The following VEGFC variants were observed in gnomAD, a reference collection of about 807,000 sequenced individuals.
VEGFC encodes FLT4 ligand DHM.
In VEGFC, 12 loss-of-function variants were observed where a neutral mutation model predicts 46.1. The observed-to-expected ratio is 0.26, with a 90% CI of 0.17 to 0.42. The LOEUF is 0.42. VEGFC is among the 10% of genes least tolerant of loss of function. The pLI is 1.00. For synonymous variants in VEGFC, 232 were observed against 195.5 expected, an observed-to-expected ratio of 1.19 and a Z score of -1.56; for missense variants, 488 against 529.4, an observed-to-expected ratio of 0.92 and a Z score of 0.77.
intron 4 of VEGFC, among the ~76,000 whole-genome samples, chr4:176,688,354 C>A (rs1017111059): frequency 6.6e-6 from 1 of 151,918 alleles, no homozygotes; most frequent in East Asian, 1.9e-4. Flanking sequence ...AAAGATGTAC[C>A]ATTATTTATT....
Position 176,792,660 on chromosome 4 carries a change from G to T in VEGFC, c.-349C>A. 1 of 195,686 alleles carries T rather than the reference G, an allele frequency of 5.1e-6. No homozygotes were observed. Among genetic ancestry groups the T allele is most frequent in the Non-Finnish European group, 1.0e-5 (1 of 97,466 alleles). The allele number at this position is 195,686 out of a possible 1,614,324, so 12.1% of individuals were successfully genotyped here. A position where few individuals can be genotyped will look rare whatever the true frequency, so the allele number is the denominator to read the frequency against. ...GTGTAGCTTTTTGGAGAGGCGGGGC[G>T]GGGGACACCAGAACACCCCGCGATG... On this transcript the variant is annotated 5_prime_UTR_variant, in exon 1 of 7. Transcript: ENST00000618562. The surrounding 1 kb of genome is among the most constrained non-coding windows in gnomAD (Gnocchi z 6.3).
At chr4:176,748,508 T>C (rs1004695364) in intron 1 of VEGFC, among the ~76,000 whole-genome samples, 1 of 151,324 alleles carries the variant, frequency 6.6e-6, no homozygotes, top group Non-Finnish European at 1.5e-5. Flanking sequence ...AGCATAAATA[T>C]AGAAACGAAG....
intron 1 of VEGFC, among the ~76,000 whole-genome samples, chr4:176,767,618 T>C (rs1735649806): frequency 6.6e-6 from 1 of 152,228 alleles, no homozygotes; most frequent in Non-Finnish European, 1.5e-5. Context: ...TCCTTGACAC[T>C]GTCCACACCT....
At chr4:176,762,013 AG>A (rs1735539246) in intron 1 of VEGFC, among the ~76,000 whole-genome samples, 1 of 152,214 alleles carries the variant, frequency 6.6e-6, no homozygotes, top group Admixed American at 6.5e-5. Flanking sequence ...AGCGAAGCTC[AG>A]GGAAGAGGTG....
chr4:176,767,512 C>G (rs955979035), intron 1 of VEGFC, among the ~76,000 whole-genome samples: 7 of 152,188 alleles, frequency 4.6e-5, no homozygotes, highest in Admixed American at 3.3e-4. Flanking sequence ...GCTGATAGCA[C>G]TATTCGCTCA....
intron 4 of VEGFC, among the ~76,000 whole-genome samples, chr4:176,690,948 G>C (rs965671934): frequency 2.9e-4 from 44 of 152,060 alleles, no homozygotes; most frequent in Non-Finnish European, 1.0e-4. Flanking sequence ...ACCCATTAAT[G>C]AATCATGAAA....
intron 1 of VEGFC, among the ~76,000 whole-genome samples, chr4:176,769,780 T>C (rs570700995): frequency 7.2e-5 from 11 of 152,274 alleles, no homozygotes; most frequent in Admixed American, 5.9e-4. Context: ...TCAGAAAGCC[T>C]GACTCACAGA....
intron 1 of VEGFC, among the ~76,000 whole-genome samples, chr4:176,782,152 G>A (rs1053317952): frequency 5.3e-5 from 8 of 152,142 alleles, no homozygotes; most frequent in African/African-American, 1.9e-4. Context: ...CAATAAAAAT[G>A]TAAGCAAAGC....
chr4:176,749,795 A>C (rs1735312265), intron 1 of VEGFC, among the ~76,000 whole-genome samples: 1 of 151,800 alleles, frequency 6.6e-6, no homozygotes, highest in African/African-American at 2.4e-5. Flanking sequence ...AATTTGGCGG[A>C]GTCTCTTACA....
In VEGFC at chr4:176,792,430, C is replaced by G. The variant is rs1736116964; in HGVS notation, c.-119G>C. 2.6e-6 allele frequency: 2 copies of G among 776,780 alleles called. No individual in the cohort carries two copies. Among genetic ancestry groups the G allele is most frequent in the Non-Finnish European group, 3.6e-6 (2 of 549,202 alleles). The allele number at this position is 776,780 out of a possible 1,614,324, so 48.1% of individuals were successfully genotyped here. ...CTCTCCCCCGGGCTCCTCCCGGCGA[C>G]CCCCCCTGGGCGAGCCGGAGGCGGC... On this transcript the variant is annotated 5_prime_UTR_variant, in exon 1 of 7. Transcript: ENST00000618562. The surrounding 1 kb of genome is among the most constrained non-coding windows in gnomAD (Gnocchi z 6.3).
intron 1 of VEGFC, among the ~76,000 whole-genome samples, chr4:176,758,591 T>C (rs891154965): frequency 2.0e-5 from 3 of 152,160 alleles, no homozygotes; most frequent in East Asian, 1.9e-4. Flanking sequence ...CATTAATAAG[T>C]AGCTTCCCAA....
chr4:176,738,890 A>G (rs1417566294), intron 1 of VEGFC, among the ~76,000 whole-genome samples: 1 of 151,918 alleles, frequency 6.6e-6, no homozygotes, highest in African/African-American at 2.4e-5. Context: ...AAAGAACATG[A>G]ACAGAGACTC....
chr4:176,689,029 A>AT (rs1734099043), intron 4 of VEGFC, among the ~76,000 whole-genome samples: 1 of 152,170 alleles, frequency 6.6e-6, no homozygotes, highest in African/African-American at 2.4e-5. Context: ...CAGTAGAAGG[A>AT]TTTTTGGTTT....
chr4:176,743,949 T>A (rs1451223921), intron 1 of VEGFC, among the ~76,000 whole-genome samples: 1 of 152,012 alleles, frequency 6.6e-6, no homozygotes, highest in Non-Finnish European at 1.5e-5. Context: ...TTTCCAAAAA[T>A]GTTGGTCATC....
rs1734458626 is a variant in VEGFC at position 176,702,864 on chromosome 4, G to T, written c.704+8635C>A. On this transcript the variant is annotated intron_variant, in intron 4 of 6. Coordinates refer to ENST00000618562, the MANE Select transcript of VEGFC (RefSeq NM_005429.5). ...AAAACTTGTGTTTATTTAATGGAAT[G>T]CTATATAGTTATTAAATGAATACAC... Among the ~76,000 whole-genome samples, 3 of 152,046 alleles carry T rather than the reference G, an allele frequency of 2.0e-5. No individual in the cohort carries two copies. The South Asian group carries it at 6.2e-4, about 31-fold the overall frequency.
At chr4:176,784,693 C>A (rs540352732) in intron 1 of VEGFC, among the ~76,000 whole-genome samples, 1 of 127,470 alleles carries the variant, frequency 7.8e-6, no homozygotes, top group Admixed American at 9.9e-5. Context: ...GCGGAGCTTG[C>A]AGTGAGCTGA....
At chr4:176,741,435 T>C (rs904311189) in intron 1 of VEGFC, among the ~76,000 whole-genome samples, 4 of 151,720 alleles carry the variant, frequency 2.6e-5, no homozygotes, top group African/African-American at 9.7e-5. Flanking sequence ...ACTTAGGGGG[T>C]TGATTTATCT....
intron 6 of VEGFC, among the ~76,000 whole-genome samples, chr4:176,686,750 T>A (rs1233041818): frequency 6.6e-6 from 1 of 152,182 alleles, no homozygotes; most frequent in East Asian, 1.9e-4. Context: ...TATCAAATAC[T>A]TAGCTATGTA....
In VEGFC at chr4:176,715,328, G is replaced by C. The variant is rs929538585; in HGVS notation, c.553-3678C>G. 5.9e-5 allele frequency among the ~76,000 whole-genome samples: 9 copies of C among 152,220 alleles called. No individual in the cohort carries two copies. In the East Asian group the frequency reaches 1.5e-3, roughly 26 times the overall value. On this transcript the variant is annotated intron_variant, in intron 3 of 6. Coordinates refer to ENST00000618562, the MANE Select transcript of VEGFC (RefSeq NM_005429.5). ...ATCCCTAAATTTTGACCTGCTACTT[G>C]ATGATACCAGTGTGAAAAAATTTTA... is the stretch of plus-strand genomic sequence containing the variant.
Sources: gnomAD v4.1 joint callset for allele counts (sites outside exome capture counted in the v4.1 genomes callset) on GRCh38, gnomAD v4.1.1 for gene constraint, Gnocchi (gnomAD v3.1) non-coding constraint, MANE v1.5 for transcripts, NCBI Gene and HGNC (gene_info 2026-07-23, HGNC 2026-07-21) for gene names.